The following NR3C1 variants were observed in gnomAD, a reference collection of about 807,000 sequenced individuals.
NR3C1 encodes glucocorticoid receptor.
Under a neutral mutation model 74.0 loss-of-function variants are expected in NR3C1, and 14 were observed. The observed-to-expected ratio is 0.19, with a 90% CI of 0.12 to 0.30. The LOEUF (loss-of-function observed/expected upper bound fraction) is 0.30, where lower values mean the gene tolerates loss of function less well. NR3C1 is among the 10% of genes least tolerant of loss of function. The pLI is 1.00. For missense variants in NR3C1, 695 were observed against 909.8 expected (o/e 0.76, Z 3.04); for synonymous variants, 308 against 332.5 (o/e 0.93, Z 0.80).
rs768442683 is a variant in NR3C1 at position 143,400,467 on chromosome 5, T to C, written c.373A>G (p.Ser125Gly). 7 of 1,614,118 alleles carry C rather than the reference T, an allele frequency of 4.3e-6. No homozygotes were observed. Among genetic ancestry groups the C allele is most frequent in the Non-Finnish European group, 5.9e-6 (7 of 1,180,046 alleles). Residue 125 changes from serine (S) to glycine (G), a missense_variant, in exon 2 of 9, where the codon AGC (serine) becomes GGC (glycine). Physicochemically the swap from Ser to Gly is moderately conservative, Grantham distance 56 (BLOSUM62 0). Around this residue, in one of 4 missense-constraint regions of NR3C1, gnomAD observed 497 missense variants for 489.5 expected, o/e 1.02. Transcript: ENST00000394464. The stretch of plus-strand genomic sequence containing the variant: ...GTCGACCTATTGAGGTTTGCAATGC[T>C]TTCTTCCAAAAGCTTTAAGTCTGTT... Reference protein sequence around the residue: ...GETDLKLLEESIANLNRSTSV... With the variant: ...GETDLKLLEEGIANLNRSTSV...
At chr5:143,284,247 G>A (rs115232981) in intron 7 of NR3C1, among the ~76,000 whole-genome samples, 28 of 152,132 alleles carry the variant, frequency 1.8e-4, no homozygotes, top group African/African-American at 4.1e-4. Flanking sequence ...ATGCCCAGCC[G>A]AGTAGTCTTA....
chr5:143,404,304 C>T (rs1600651725), upstream of NR3C1: 1 of 985,544 alleles, frequency 1.0e-6, no homozygotes, highest in African/African-American at 1.7e-5. Flanking sequence ...CGCTCGGGGC[C>T]GGGCGGCCTG....
chr5:143,362,965 G>C (rs546472805), intron 2 of NR3C1, among the ~76,000 whole-genome samples: 14 of 152,260 alleles, frequency 9.2e-5, no homozygotes, highest in Non-Finnish European at 1.3e-4. Flanking sequence ...GAGTAGGGCT[G>C]TGTATATGCT....
In NR3C1 at chr5:143,371,949, A is replaced by G. The variant is rs981546667; in HGVS notation, c.1184+27707T>C. On this transcript the variant is annotated intron_variant, in intron 2 of 8. Coordinates refer to ENST00000394464, the MANE Select transcript of NR3C1 (RefSeq NM_000176.3). The stretch of plus-strand genomic sequence containing the variant: ...CTTAGTGTTCATTTAACACTAAAAG[A>G]GTAGTCTCCCCTTATACTCAGGAGA... Among the ~76,000 whole-genome samples, 6 of 152,338 alleles carry G rather than the reference A, an allele frequency of 3.9e-5. No homozygotes were observed. The South Asian group carries it at 1.2e-3, about 32-fold the overall frequency.
chr5:143,428,171 A>G (rs1751632148), intron 1 of NR3C1, among the ~76,000 whole-genome samples: 1 of 152,250 alleles, frequency 6.6e-6, no homozygotes, highest in South Asian at 2.1e-4. Context: ...AGCCAAGGTC[A>G]TGGCAAATCC....
At chr5:143,294,787 C>T (rs1816792422) in intron 7 of NR3C1, 2 of 342,102 alleles carry the variant, frequency 5.8e-6, no homozygotes, top group Non-Finnish European at 8.3e-6. Context: ...ATGCATTTAA[C>T]GTCCCTCCAT....
chr5:143,395,656 AG>A (rs1839057191), intron 2 of NR3C1, among the ~76,000 whole-genome samples: 2 of 151,896 alleles, frequency 1.3e-5, no homozygotes, highest in Admixed American at 1.3e-4. Context: ...CATTAAAATT[AG>A]GAATAATCAT....
intron 2 of NR3C1, among the ~76,000 whole-genome samples, chr5:143,375,059 A>G (rs1473168858): frequency 6.6e-6 from 1 of 152,202 alleles, no homozygotes; most frequent in African/African-American, 2.4e-5. Context: ...TCAGGTCAGC[A>G]GCTATATTTG....
intron 2 of NR3C1, among the ~76,000 whole-genome samples, chr5:143,373,182 G>A (rs1278181122): frequency 1.3e-5 from 2 of 152,116 alleles, no homozygotes; most frequent in Non-Finnish European, 2.9e-5. Flanking sequence ...AGATGTGTAT[G>A]CCTTGTGATC....
rs531735320 is a variant in NR3C1, at chr5:143,330,745, C to A, written c.1185-16577G>T. On this transcript the variant is annotated intron_variant, in intron 2 of 8. Coordinates refer to ENST00000394464, the MANE Select transcript of NR3C1 (RefSeq NM_000176.3). ...AGTCATTACTTAAAATTTTAATTAC[C>A]AACATAATTTTTAGAGTTGTCACTT... Among the ~76,000 whole-genome samples the A allele has an allele frequency of 1.4e-3, 214 of 152,180 alleles. 2 individuals carry two copies. Among genetic ancestry groups the A allele is most frequent in the African/African-American group, 5.1e-3 (211 of 41,514 alleles).
intron 1 of NR3C1, among the ~76,000 whole-genome samples, chr5:143,433,460 A>ATATCTAATTTATTTATTTAAAT (rs1751957133): frequency 6.8e-6 from 1 of 146,004 alleles, no homozygotes; most frequent in Non-Finnish European, 1.5e-5. Context: ...AATTATATAT[A>ATATCTAATTTATTTATTTAAAT]TATATATATA....
At chr5:143,354,416 A>C (rs1830744267) in intron 2 of NR3C1, among the ~76,000 whole-genome samples, 1 of 152,114 alleles carries the variant, frequency 6.6e-6, no homozygotes, top group Non-Finnish European at 1.5e-5. Context: ...CTTTTTATTT[A>C]AAGTGAGAGA....
chr5:143,405,965 T>C (rs1406527620), upstream of NR3C1, among the ~76,000 whole-genome samples: 1 of 152,164 alleles, frequency 6.6e-6, no homozygotes, highest in Admixed American at 6.5e-5. Context: ...CTACCAACAG[T>C]TTCATGGGAA....
intron 1 of NR3C1, 105 bp downstream of exon 1, chr5:143,403,106 A>AC: frequency 1.3e-6 from 1 of 765,442 alleles, no homozygotes; most frequent in Non-Finnish European, 1.6e-6. Flanking sequence ...CCCCGAGGCT[A>AC]ATAAAAGTTT....
At chr5:143,332,535 C>A (rs1370516778) in intron 2 of NR3C1, 10 of 687,296 alleles carry the variant, frequency 1.5e-5, no homozygotes, top group African/African-American at 1.5e-4. Flanking sequence ...ACATCCTGCA[C>A]ATGTACCCTG....
chr5:143,307,385 C>A (rs1434350547), intron 4 of NR3C1, among the ~76,000 whole-genome samples: 1 of 152,110 alleles, frequency 6.6e-6, no homozygotes, highest in African/African-American at 2.4e-5. Context: ...AAAAAATGGA[C>A]AGATTTCGTA....
intron 2 of NR3C1, among the ~76,000 whole-genome samples, chr5:143,358,219 G>A (rs1381856981): frequency 6.6e-6 from 1 of 152,134 alleles, no homozygotes; most frequent in Non-Finnish European, 1.5e-5. Context: ...CACCTAAGAT[G>A]TTTTTTCTTA....
At chr5:143,423,982 T>G (rs754961856) in intron 1 of NR3C1, among the ~76,000 whole-genome samples, 4 of 142,830 alleles carry the variant, frequency 2.8e-5, no homozygotes, top group Admixed American at 7.4e-5. Flanking sequence ...TTTAACCGCA[T>G]ATTCTCACTC....
At chr5:143,325,254 C>T (rs1304855028) in intron 2 of NR3C1, among the ~76,000 whole-genome samples, 9 of 152,054 alleles carry the variant, frequency 5.9e-5, no homozygotes, top group Admixed American at 5.9e-4. Context: ...TGGCGGGAGG[C>T]AAAAGGTACT....
Sources: gnomAD v4.1 joint callset for allele counts (sites outside exome capture counted in the v4.1 genomes callset) on GRCh38, gnomAD v4.1.1 for gene constraint, gnomAD v4.1.1 regional missense constraint, MANE v1.5 for transcripts, NCBI Gene and HGNC (gene_info 2026-07-23, HGNC 2026-07-21) for gene names.